Variants in POU2F1 observed in about 807,000 individuals in gnomAD.
POU2F1 encodes POU domain, class 2, transcription factor 1.
A neutral mutation model predicts 84.9 loss-of-function variants in POU2F1; 16 were observed. The observed-to-expected ratio is 0.19, with a 90% CI of 0.13 to 0.29. The LOEUF is 0.29. Among genes scored for constraint, POU2F1 ranks in the 10% least tolerant of loss-of-function variants. The pLI, the probability that POU2F1 is intolerant of heterozygous loss-of-function variation, is 1.00. For missense variants in POU2F1, 738 were observed against 942.6 expected (o/e 0.78, Z 2.84); for synonymous variants, 368 against 368.3 (o/e 1.00, Z 0.01).
rs370629749 is a variant in POU2F1 at position 167,372,928 on chromosome 1, GT to G, written c.402+896del. Among the ~76,000 whole-genome samples, 371 of 88,946 alleles carry G rather than the reference GT, an allele frequency of 4.2e-3. 1 individual carries two copies. Among genetic ancestry groups the G allele is most frequent in the Middle Eastern group, 0.014 (3 of 218 alleles). The allele number at this position is 88,946 out of a possible 152,430, so 58.4% of individuals were successfully genotyped here. ...TCCCAAGAATTTCCTAGGGTTTTTTGTTTTCTTTCTTTCTTTCTTTCTTTTT... is the reference window on the plus strand; with the variant it reads ...TCCCAAGAATTTCCTAGGGTTTTTTGTTTCTTTCTTTCTTTCTTTCTTTTT... On this transcript the variant is annotated intron_variant, in intron 5 of 15. Transcript: ENST00000367866.
At chr1:167,398,657 A>C (rs1215726798) in intron 11 of POU2F1, among the ~76,000 whole-genome samples, 2 of 152,214 alleles carry the variant, frequency 1.3e-5, no homozygotes, top group Admixed American at 6.5e-5. Flanking sequence ...TTTTTGTACC[A>C]GGTAATATCA....
At chr1:167,381,998 T>G (rs1297830171) in intron 7 of POU2F1, among the ~76,000 whole-genome samples, 1 of 115,352 alleles carries the variant, frequency 8.7e-6, no homozygotes, top group East Asian at 2.7e-4. Flanking sequence ...CATAGTTTTG[T>G]TCCTCTAGAC....
At chr1:167,382,489 G>C (rs947743180) in intron 7 of POU2F1, among the ~76,000 whole-genome samples, 1 of 152,166 alleles carries the variant, frequency 6.6e-6, no homozygotes, top group Non-Finnish European at 1.5e-5. Flanking sequence ...ACGATAGCTA[G>C]ACAGGGCCAG....
At chr1:167,410,493 T>A (rs751848238) in intron 13 of POU2F1, among the ~76,000 whole-genome samples, 111 of 151,730 alleles carry the variant, frequency 7.3e-4, no homozygotes, top group Non-Finnish European at 1.5e-3. Flanking sequence ...GGTAAAAGAT[T>A]TCATCACCAA....
chr1:167,353,107 T>G (rs193134744), intron 2 of POU2F1, among the ~76,000 whole-genome samples: 16 of 152,338 alleles, frequency 1.1e-4, no homozygotes, highest in Admixed American at 1.0e-3. Flanking sequence ...GAACTTAATA[T>G]AAATCCAACT....
chr1:167,247,562 G>A (rs1650426173), intron 1 of POU2F1, among the ~76,000 whole-genome samples: 1 of 151,938 alleles, frequency 6.6e-6, no homozygotes, highest in Non-Finnish European at 1.5e-5. Flanking sequence ...GAGCTATATA[G>A]TACTTACTAG....
At chr1:167,351,991 A>G (rs549142693) in intron 2 of POU2F1, among the ~76,000 whole-genome samples, 16 of 152,366 alleles carry the variant, frequency 1.1e-4, no homozygotes, top group Admixed American at 8.5e-4. Flanking sequence ...AAATAGATGC[A>G]CACCTGGGCA....
rs112317682 is a variant in POU2F1 at position 167,421,248 on chromosome 1, T to TA, written c.*5439dup. On this transcript the variant is annotated 3_prime_UTR_variant, in exon 16 of 16. Transcript: ENST00000367866. ...GAAGAATAACTGAGATCAGCTATTA[T>TA]ATAGGTTTGCATGGATGGTGTCCAC... The TA allele has an allele frequency of 2.6e-5, 4 of 152,326 alleles. No homozygotes were observed. The highest frequency in any genetic ancestry group is 9.6e-5 in the African/African-American group (4 of 41,570). 9.4% of individuals were successfully genotyped at this position (152,326 alleles called of 1,614,324 possible). A position where few individuals can be genotyped will look rare whatever the true frequency, so the allele number is the denominator to read the frequency against.
At chr1:167,386,099 T>C (rs1317828841) in intron 8 of POU2F1, among the ~76,000 whole-genome samples, 1 of 152,184 alleles carries the variant, frequency 6.6e-6, no homozygotes, top group Non-Finnish European at 1.5e-5. Context: ...AAACCAAGTG[T>C]TGGCAAGAAG....
chr1:167,403,765 A>G (rs369835207), intron 13 of POU2F1, among the ~76,000 whole-genome samples: 4 of 152,174 alleles, frequency 2.6e-5, no homozygotes, highest in Non-Finnish European at 4.4e-5. Context: ...GTTAGATCCA[A>G]TGTTTCTCAG....
intron 2 of POU2F1, among the ~76,000 whole-genome samples, chr1:167,335,578 G>C (rs778573794): frequency 6.6e-6 from 1 of 152,120 alleles, no homozygotes; most frequent in Non-Finnish European, 1.5e-5. Flanking sequence ...TGAAATGGAA[G>C]GGAGAAGCAA....
intron 1 of POU2F1, among the ~76,000 whole-genome samples, chr1:167,277,707 G>A (rs1182193978): frequency 6.6e-6 from 1 of 152,074 alleles, no homozygotes; most frequent in East Asian, 1.9e-4. Flanking sequence ...CTATCCCAAT[G>A]GCCTCAGTTA....
chr1:167,336,140 C>T (rs528246137), intron 2 of POU2F1, among the ~76,000 whole-genome samples: 1 of 152,310 alleles, frequency 6.6e-6, no homozygotes, highest in African/African-American at 2.4e-5. Context: ...TGTATCAGAA[C>T]TTACGCACAC....
rs189553724 is a variant in POU2F1, at chr1:167,374,806, G to A, written c.591+510G>A. ...AGAAGCGCCAGGCGCGGTGGCTCAC[G>A]CCTGTAATCCCAGCACTTTGGGAGG... On this transcript the variant is annotated intron_variant, in intron 6 of 15. Transcript: ENST00000367866. Among the ~76,000 whole-genome samples, 612 of 152,266 alleles carry A rather than the reference G, an allele frequency of 4.0e-3. 11 individuals are homozygous for A. The highest frequency in any genetic ancestry group is 0.014 in the African/African-American group (589 of 41,556).
At chr1:167,299,714 A>G (rs1338309395) in intron 1 of POU2F1, among the ~76,000 whole-genome samples, 1 of 127,824 alleles carries the variant, frequency 7.8e-6, no homozygotes, top group Admixed American at 7.2e-5. Context: ...TTTTCATTTT[A>G]TTTTGCTGCT....
intron 3 of POU2F1, 86 bp downstream of exon 3, chr1:167,365,653 G>C: frequency 2.1e-6 from 2 of 949,550 alleles, no homozygotes; most frequent in Non-Finnish European, 3.1e-6. Context: ...TCAGAATGTG[G>C]GACCTTTTAA....
At chr1:167,407,187 G>C (rs1222243703) in intron 13 of POU2F1, among the ~76,000 whole-genome samples, 1 of 151,692 alleles carries the variant, frequency 6.6e-6, no homozygotes, top group African/African-American at 2.4e-5. Context: ...CATGCCACCC[G>C]CCCAGCTAAT....
At chr1:167,386,559 C>T (rs561764835) in intron 8 of POU2F1, among the ~76,000 whole-genome samples, 3 of 152,308 alleles carry the variant, frequency 2.0e-5, no homozygotes, top group East Asian at 1.9e-4. Context: ...TGAAAGCATA[C>T]GTCCACACAA....
At chr1:167,223,262 C>A (rs1648372405) in intron 1 of POU2F1, among the ~76,000 whole-genome samples, 1 of 152,216 alleles carries the variant, frequency 6.6e-6, no homozygotes, top group Non-Finnish European at 1.5e-5. Context: ...CTCCTCCCAG[C>A]ACACCCGCCC....
Sources: allele counts gnomAD v4.1 joint callset (sites outside exome capture counted in the v4.1 genomes callset), GRCh38; gene constraint gnomAD v4.1.1; transcripts MANE v1.5; gene names NCBI Gene and HGNC (gene_info 2026-07-23, HGNC 2026-07-21).